Variants in ZNF131 observed in about 807,000 individuals in gnomAD.
The protein encoded by ZNF131 is zinc finger protein 131.
Under a neutral mutation model 60.0 loss-of-function variants are expected in ZNF131, and 7 were observed. The ratio of observed to expected loss-of-function variants is 0.12; its 90% CI spans 0.07 to 0.22. The LOEUF (loss-of-function observed/expected upper bound fraction) is 0.22, where lower values mean the gene tolerates loss of function less well. ZNF131 is among the 10% of genes least tolerant of loss of function. ZNF131 has a pLI of 1.00. For synonymous variants in ZNF131, 257 were observed against 253.2 expected (o/e 1.01, Z -0.14); for missense variants, 493 against 740.9 (o/e 0.67, Z 3.88).
At chr5:43,156,507 A>G (rs1443521390) in intron 4 of ZNF131, among the ~76,000 whole-genome samples, 5 of 152,176 alleles carry the variant, frequency 3.3e-5, no homozygotes, top group Non-Finnish European at 7.3e-5. Flanking sequence ...AGGCACATTT[A>G]CTTTTGGTTT....
At chr5:43,171,184 G>A (rs1211546576) in intron 5 of ZNF131, among the ~76,000 whole-genome samples, 2 of 151,534 alleles carry the variant, frequency 1.3e-5, no homozygotes, top group Non-Finnish European at 2.9e-5. Flanking sequence ...CTGACCTCAC[G>A]TGATCCACCC....
At chr5:43,165,205 CTTT>C (rs142657870) in intron 5 of ZNF131, among the ~76,000 whole-genome samples, 11 of 137,752 alleles carry the variant, frequency 8.0e-5, no homozygotes, top group East Asian at 2.1e-4. Context: ...CCCTGTATTT[CTTT>C]TTTTTTTTTT....
At chr5:43,160,803 C>T (rs1749599218) in intron 4 of ZNF131, among the ~76,000 whole-genome samples, 1 of 151,572 alleles carries the variant, frequency 6.6e-6, no homozygotes, top group Non-Finnish European at 1.5e-5. Flanking sequence ...CCTGCCTCAG[C>T]CTGCCGAGTA....
intron 4 of ZNF131, among the ~76,000 whole-genome samples, chr5:43,143,070 T>G (rs1001975550): frequency 6.6e-6 from 1 of 150,746 alleles, no homozygotes. Flanking sequence ...GTTACCAGGA[T>G]GGAGTGCAGT....
At chr5:43,121,425 C>T (rs1429222485) in intron 1 of ZNF131, 2 of 152,508 alleles carry the variant, frequency 1.3e-5, no homozygotes, top group African/African-American at 4.8e-5. Flanking sequence ...CCCCGCCCAT[C>T]CACTGAGGGG....
chr5:43,145,618 A>G (rs1373231824), intron 4 of ZNF131, among the ~76,000 whole-genome samples: 1 of 152,026 alleles, frequency 6.6e-6, no homozygotes, highest in Non-Finnish European at 1.5e-5. Context: ...GCACCACTGC[A>G]CTCCATCCAG....
chr5:43,166,130 A>G (rs955806427), intron 5 of ZNF131, among the ~76,000 whole-genome samples: 2 of 152,182 alleles, frequency 1.3e-5, no homozygotes, highest in Non-Finnish European at 2.9e-5. Flanking sequence ...TTAATCTTTT[A>G]TCCAGGTTAC....
intron 4 of ZNF131, among the ~76,000 whole-genome samples, chr5:43,145,846 T>C (rs1399860150): frequency 1.3e-5 from 2 of 152,204 alleles, no homozygotes; most frequent in Non-Finnish European, 2.9e-5. Flanking sequence ...TAATAAATTC[T>C]AGTAGTTATT....
chr5:43,123,356 A>G (rs370854009), intron 3 of ZNF131, 46 bp downstream of exon 3: 12 of 1,500,358 alleles, frequency 8.0e-6, no homozygotes, highest in East Asian at 2.3e-5. Context: ...CAAAGAAGCC[A>G]TTTTATTTAA....
intron 3 of ZNF131, among the ~76,000 whole-genome samples, chr5:43,132,900 G>T (rs888572733): frequency 3.9e-5 from 6 of 152,142 alleles, no homozygotes; most frequent in Non-Finnish European, 8.8e-5. Context: ...CCTGAAGGCC[G>T]CATTCAGATG....
chr5:43,173,633 C>T (rs1751258026), intron 6 of ZNF131, among the ~76,000 whole-genome samples, 185 bp downstream of exon 6: 1 of 151,874 alleles, frequency 6.6e-6, no homozygotes, highest in Admixed American at 6.6e-5. Flanking sequence ...CTAGATGACA[C>T]CAATGTCAAT....
chr5:43,155,854 A>G (rs1748898007), intron 4 of ZNF131, among the ~76,000 whole-genome samples: 1 of 152,218 alleles, frequency 6.6e-6, no homozygotes, highest in African/African-American at 2.4e-5. Context: ...GGGGTTTATC[A>G]GCAACCCCTG....
chr5:43,168,415 T>C (rs1182452985), intron 5 of ZNF131, among the ~76,000 whole-genome samples: 1 of 152,184 alleles, frequency 6.6e-6, no homozygotes, highest in East Asian at 1.9e-4. Flanking sequence ...TAGGGCATTA[T>C]GGCCAGAGGG....
intron 4 of ZNF131, among the ~76,000 whole-genome samples, chr5:43,139,527 C>T (rs1746539340): frequency 1.3e-5 from 2 of 152,172 alleles, no homozygotes; most frequent in Non-Finnish European, 2.9e-5. Context: ...ATTAAAGTAG[C>T]ATCTTTGGTA....
At position 43,164,965 on chromosome 5, in the gene ZNF131, C is replaced by G. The variant is rs548526519; in HGVS notation, c.1054+3034C>G. ...TCTTCTCTCCTCTCCTCTCTCTCTC[C>G]TTTGAAACAGGGTCTTGCTGTGTTG... On this transcript the variant is annotated intron_variant, in intron 5 of 6. Transcript: ENST00000682664. Among the ~76,000 whole-genome samples, 11 of 152,152 alleles carry G rather than the reference C, an allele frequency of 7.2e-5. No homozygotes were observed. In the East Asian group the frequency reaches 2.1e-3, roughly 29 times the overall value.
intron 4 of ZNF131, among the ~76,000 whole-genome samples, chr5:43,140,180 C>A (rs958541465): frequency 1.3e-5 from 2 of 152,122 alleles, no homozygotes; most frequent in African/African-American, 4.8e-5. Flanking sequence ...GTGATCACGC[C>A]ACTGACTGCA....
intron 5 of ZNF131, among the ~76,000 whole-genome samples, chr5:43,171,219 A>G (rs1217789986): frequency 6.6e-6 from 1 of 152,138 alleles, no homozygotes; most frequent in Non-Finnish European, 1.5e-5. Context: ...AAGTGCTAGG[A>G]TCACAGGTGT....
intron 4 of ZNF131, among the ~76,000 whole-genome samples, chr5:43,147,329 A>G (rs1302190156): frequency 6.6e-6 from 1 of 152,124 alleles, no homozygotes; most frequent in African/African-American, 2.4e-5. Context: ...TACAAGTGGA[A>G]TAGAGCTTAG....
chr5:43,172,706 C>T (rs1751153328), intron 5 of ZNF131, among the ~76,000 whole-genome samples: 1 of 151,986 alleles, frequency 6.6e-6, no homozygotes, highest in South Asian at 2.1e-4. Flanking sequence ...GACATCTCCA[C>T]CTGTTTTATA....
Sources: gnomAD v4.1 joint callset for allele counts (sites outside exome capture counted in the v4.1 genomes callset) on GRCh38, gnomAD v4.1.1 for gene constraint, MANE v1.5 for transcripts, NCBI Gene and HGNC (gene_info 2026-07-23, HGNC 2026-07-21) for gene names.